TICRR: variants seen among roughly 807,000 people sequenced by gnomAD.
The protein encoded by TICRR is treslin.
A neutral mutation model predicts 178.1 loss-of-function variants in TICRR; 132 were observed. That is an observed-to-expected ratio of 0.74 (90% CI 0.64 to 0.86). The LOEUF (loss-of-function observed/expected upper bound fraction) is 0.86, where lower values mean the gene tolerates loss of function less well. TICRR is among the 40% of genes least tolerant of loss of function. The pLI is 0.00. For missense variants in TICRR, 2,587 were observed against 2,334.3 expected (o/e 1.11, Z -2.23); for synonymous variants, 991 against 900.7 (o/e 1.10, Z -1.79).
Position 89,606,907 on chromosome 15 carries a change from C to T in TICRR, c.2722+82C>T, listed in dbSNP as rs1787160527. Reference sequence around the variant, plus strand: ...TTGTATGTATTTAAGCAGCTGCTTACAGGTGTAAATTAAGGCTTTGTATGA... The same window carrying T: ...TTGTATGTATTTAAGCAGCTGCTTATAGGTGTAAATTAAGGCTTTGTATGA... On this transcript the variant is annotated intron_variant, in intron 14 of 21. Coordinates refer to ENST00000268138, the MANE Select transcript of TICRR (RefSeq NM_152259.4). The T allele has an allele frequency of 4.1e-6, 5 of 1,217,762 alleles. No homozygotes were observed. In the Admixed American group the frequency reaches 5.4e-5, roughly 13 times the overall value. 75.4% of individuals were successfully genotyped at this position (1,217,762 alleles called of 1,614,324 possible).
chr15:89,623,565 A>G, intron 19 of TICRR, 58 bp from the exon 20 acceptor site: 6 of 1,507,562 alleles, frequency 4.0e-6, no homozygotes, highest in Non-Finnish European at 5.3e-6. Context: ...TTACTAAAAC[A>G]CTTCAGAGAT....
At chr15:89,623,558 C>T (rs1244848671) in intron 19 of TICRR, 65 bp from the exon 20 acceptor site, 3 of 1,488,716 alleles carry the variant, frequency 2.0e-6, no homozygotes, top group African/African-American at 1.4e-5. Context: ...TTAGAGATTA[C>T]TAAAACACTT....
chr15:89,595,189 G>C (rs1244862870), intron 6 of TICRR, among the ~76,000 whole-genome samples: 3 of 152,188 alleles, frequency 2.0e-5, no homozygotes, highest in Admixed American at 1.3e-4. Flanking sequence ...GAGATGTTTA[G>C]TTCCTAAACT....
At position 89,624,928 on chromosome 15, in the gene TICRR, C is replaced by G. The variant is rs368620985; in HGVS notation, c.4618C>G (p.Leu1540Val). The G allele has an allele frequency of 1.5e-5, 25 of 1,614,010 alleles. No individual in the cohort carries two copies. Among genetic ancestry groups the G allele is most frequent in the Non-Finnish European group, 1.9e-5 (22 of 1,180,046 alleles). ...GAGACAGTGCCAGGCTTCGGCACAA[C>G]TAGACAACCTGCCAGCATCAGCTTG... ...DGRQCQASAQ[L>V]DNLPASAWHS... is the part of the protein sequence containing the mutation. Residue 1540 changes from leucine (L) to valine (V), a missense_variant, in exon 20 of 22, where the codon CTA becomes GTA. Leu to Val is a conservative substitution (Grantham distance 32). Transcript: ENST00000268138.
chr15:89,592,324 T>A (rs1016986373), intron 5 of TICRR, 148 bp downstream of exon 5: 4 of 595,120 alleles, frequency 6.7e-6, no homozygotes, highest in Middle Eastern at 9.8e-4. Context: ...ATACTTAATA[T>A]ATATTGTGAG....
intron 4 of TICRR, 74 bp downstream of exon 4, chr15:89,586,016 T>C (rs1962817065): frequency 1.8e-6 from 2 of 1,131,556 alleles, no homozygotes; most frequent in Admixed American, 3.6e-5. Context: ...ACTTTTTCAC[T>C]GTGCAGTTAG....
chr15:89,612,481 G>A (rs2141973357), intron 15 of TICRR, among the ~76,000 whole-genome samples: 1 of 152,292 alleles, frequency 6.6e-6, no homozygotes, highest in Non-Finnish European at 1.5e-5. Context: ...CCTAGCACCA[G>A]CCAGCTGCTC....
chr15:89,603,647 A>C (rs1596049726), intron 13 of TICRR, among the ~76,000 whole-genome samples: 1 of 152,252 alleles, frequency 6.6e-6, no homozygotes, highest in Admixed American at 6.5e-5. Context: ...GATGATGACC[A>C]TCATGGAGCC....
Position 89,616,479 on chromosome 15 carries a change from A to C in TICRR, c.2944A>C (p.Arg982=). 1 of 1,613,986 alleles carries C rather than the reference A, an allele frequency of 6.2e-7. No individual in the cohort carries two copies. Among genetic ancestry groups the C allele is most frequent in the Non-Finnish European group, 8.5e-7 (1 of 1,179,880 alleles). Residue 982 remains arginine (R), a synonymous_variant, in exon 16 of 22, where the codon AGA becomes CGA. Transcript: ENST00000268138. ...GCAGATCTCCAAAAGGCTGCTGCAC[A>C]GACAAATCAAGGGCAGGTGAGTGAC... ...HKQISKRLLH[R]QIKGRSSDPG... is the part of the protein sequence containing the mutation.
intron 16 of TICRR, among the ~76,000 whole-genome samples, chr15:89,617,381 A>T (rs1485844577): frequency 6.6e-6 from 1 of 152,196 alleles, no homozygotes; most frequent in Non-Finnish European, 1.5e-5. Context: ...AAGGCTCTTA[A>T]ACAGAAACTT....
chr15:89,588,572 A>G (rs1962859447), intron 4 of TICRR, among the ~76,000 whole-genome samples: 1 of 152,146 alleles, frequency 6.6e-6, no homozygotes, highest in Non-Finnish European at 1.5e-5. Flanking sequence ...AATCTGCTCA[A>G]AGGAGAGAGC....
intron 20 of TICRR, 71 bp downstream of exon 20, chr15:89,625,857 G>A (rs1963513297): frequency 1.3e-6 from 2 of 1,545,376 alleles, no homozygotes; most frequent in African/African-American, 1.4e-5. Context: ...GGAGGCACTT[G>A]GGAGTTGCTT....
chr15:89,580,039 C>T (rs1482217361), intron 1 of TICRR: 1 of 152,202 alleles, frequency 6.6e-6, no homozygotes, highest in Non-Finnish European at 1.5e-5. Flanking sequence ...CCTCCCGAGA[C>T]AGAGTTTCAC....
At chr15:89,597,550 C>T (rs921593843) in intron 7 of TICRR, among the ~76,000 whole-genome samples, 1 of 151,164 alleles carries the variant, frequency 6.6e-6, no homozygotes, top group Non-Finnish European at 1.5e-5. Context: ...AATCCGTTTA[C>T]TATATTTATG....
rs1297857786 is a variant in TICRR at position 89,599,510 on chromosome 15, T to C, written c.2052+35T>C. On this transcript the variant is annotated intron_variant, in intron 8 of 21. Transcript: ENST00000268138. ...TCCAGATATTGTTGTTTGTCATGGA[T>C]GTAGTGGTTGGTTGGTTGGTTGGTG... 2.5e-6 allele frequency: 4 copies of C among 1,591,958 alleles called. No homozygotes were observed. The East Asian group carries it at 9.0e-5, about 36-fold the overall frequency.
At chr15:89,579,054 A>C (rs1388383473) in intron 1 of TICRR, among the ~76,000 whole-genome samples, 1 of 152,228 alleles carries the variant, frequency 6.6e-6, no homozygotes, top group Non-Finnish European at 1.5e-5. Context: ...ATCCAAGCGC[A>C]TAAAACAGGA....
intron 13 of TICRR, among the ~76,000 whole-genome samples, chr15:89,603,178 A>C (rs1963123622): frequency 6.6e-6 from 1 of 152,208 alleles, no homozygotes; most frequent in Non-Finnish European, 1.5e-5. Context: ...CTCATAAAAC[A>C]ATAACTAAAA....
intron 19 of TICRR, 133 bp downstream of exon 19, chr15:89,621,683 G>C: frequency 1.4e-6 from 1 of 735,406 alleles, no homozygotes; most frequent in Non-Finnish European, 2.1e-6. Flanking sequence ...AGGTGACTGG[G>C]TGGAGCCACA....
Position 89,625,677 on chromosome 15 carries a change from G to C in TICRR, c.5367G>C (p.Arg1789Ser), listed in dbSNP as rs1963509183. 1 of 1,613,690 alleles carries C rather than the reference G, an allele frequency of 6.2e-7. No homozygotes were observed. Among genetic ancestry groups the C allele is most frequent in the Non-Finnish European group, 8.5e-7 (1 of 1,180,046 alleles). The change falls in exon 20 of 22, where the codon AGG becomes AGC. Residue 1789 changes from arginine (R) to serine (S), a missense_variant. By Grantham distance (110) the Arg-to-Ser change is moderately radical. Coordinates refer to ENST00000268138, the MANE Select transcript of TICRR (RefSeq NM_152259.4). ...AKEEADRGAK[R>S]ICDLREDSEV... ...AAGAAGCTGACCGTGGAGCCAAAAG[G>C]ATCTGTGACCTGAGAGAAGATTCAG... is the stretch of plus-strand genomic sequence containing the variant.
Sources: gnomAD v4.1 joint callset for allele counts (sites outside exome capture counted in the v4.1 genomes callset) on GRCh38, gnomAD v4.1.1 for gene constraint, MANE v1.5 for transcripts, NCBI Gene and HGNC (gene_info 2026-07-23, HGNC 2026-07-21) for gene names.